The following ERBB4 variants were observed in gnomAD, a reference collection of about 807,000 sequenced individuals.
ERBB4 encodes erb-b2 receptor tyrosine kinase 4.
ERBB4 carries 42 observed loss-of-function variants against 158.0 expected under a neutral mutation model. The observed-to-expected ratio is 0.27, with a 90% confidence interval of 0.21 to 0.34. The LOEUF is 0.34. Among genes scored for constraint, ERBB4 ranks in the 10% least tolerant of loss-of-function variants. The pLI, the probability that ERBB4 is intolerant of heterozygous loss-of-function variation, is 1.00. For synonymous variants in ERBB4, 583 were observed against 558.7 expected (o/e 1.04, Z -0.61); for missense variants, 1,333 against 1,624.1 (o/e 0.82, Z 3.08).
chr2:212,062,154 T>C (rs940705655), intron 2 of ERBB4, among the ~76,000 whole-genome samples: 18 of 152,190 alleles, frequency 1.2e-4, no homozygotes, highest in Non-Finnish European at 2.5e-4. Flanking sequence ...TTTTTCAATA[T>C]TACAAATTTT....
intron 1 of ERBB4, among the ~76,000 whole-genome samples, chr2:212,488,678 C>T (rs1485554364): frequency 6.6e-6 from 1 of 151,822 alleles, no homozygotes; most frequent in Non-Finnish European, 1.5e-5. Flanking sequence ...GACAACCAAG[C>T]TCCAACAAGA....
At chr2:212,086,430 T>C (rs1029756325) in intron 2 of ERBB4, among the ~76,000 whole-genome samples, 4 of 151,888 alleles carry the variant, frequency 2.6e-5, no homozygotes, top group Admixed American at 2.6e-4. Context: ...TAAGGCCTTA[T>C]GCATTACCGC....
At chr2:211,998,813 T>A (rs2125274298) in intron 2 of ERBB4, among the ~76,000 whole-genome samples, 1 of 151,954 alleles carries the variant, frequency 6.6e-6, no homozygotes, top group Admixed American at 6.6e-5. Flanking sequence ...TGAGATATAA[T>A]TATATTACTT....
chr2:212,097,092 T>C (rs933204148), intron 2 of ERBB4, among the ~76,000 whole-genome samples: 1 of 152,188 alleles, frequency 6.6e-6, no homozygotes, highest in Non-Finnish European at 1.5e-5. Context: ...ACAGATAAGC[T>C]ACAGTACTAC....
chr2:211,925,376 CT>C (rs71054150), intron 3 of ERBB4, among the ~76,000 whole-genome samples: 15,103 of 81,452 alleles, frequency 0.19, 381 homozygotes, highest in Non-Finnish European at 0.27. Flanking sequence ...AACAAGACTG[CT>C]TTTTTTTTTT....
At chr2:212,180,593 A>G (rs150917785) in intron 1 of ERBB4, among the ~76,000 whole-genome samples, 1 of 151,824 alleles carries the variant, frequency 6.6e-6, no homozygotes, top group African/African-American at 2.4e-5. Context: ...GAAACAAAGC[A>G]TTATGCTGAA....
At position 211,916,709 on chromosome 2, in the gene ERBB4, G is replaced by A. The variant is rs867797232; in HGVS notation, c.421+30721C>T. On this transcript the variant is annotated intron_variant, in intron 3 of 27. Coordinates refer to ENST00000342788, the MANE Select transcript of ERBB4 (RefSeq NM_005235.3). ...GGAACTCTTCTCTCACTTATTGCTT[G>A]TATGTATGTGAATTTGTGTAGCCAT... Among the ~76,000 whole-genome samples the A allele has an allele frequency of 7.9e-5, 12 of 152,186 alleles. 1 individual carries two copies. Among genetic ancestry groups the A allele is most frequent in the Middle Eastern group, 6.8e-3 (2 of 294 alleles).
At chr2:211,438,114 T>G (rs1240894381) in intron 20 of ERBB4, among the ~76,000 whole-genome samples, 1 of 152,206 alleles carries the variant, frequency 6.6e-6, no homozygotes, top group Non-Finnish European at 1.5e-5. Context: ...ACAGAAGTTT[T>G]GGACATATTG....
chr2:211,550,627 A>G (rs1327496202), intron 20 of ERBB4, among the ~76,000 whole-genome samples: 1 of 146,166 alleles, frequency 6.8e-6, no homozygotes, highest in Non-Finnish European at 1.5e-5. Flanking sequence ...ATATATGAAT[A>G]TATCTATATA....
intron 2 of ERBB4, among the ~76,000 whole-genome samples, chr2:212,012,159 C>T (rs942271505): frequency 2.6e-5 from 4 of 152,164 alleles, no homozygotes; most frequent in Non-Finnish European, 5.9e-5. Flanking sequence ...TTATCTCTAG[C>T]CAGGATTGTC....
At chr2:212,387,763 C>G (rs2090727350) in intron 1 of ERBB4, among the ~76,000 whole-genome samples, 1 of 152,002 alleles carries the variant, frequency 6.6e-6, no homozygotes, top group East Asian at 1.9e-4. Context: ...TCAGTTTATT[C>G]TGAAATTTCT....
chr2:211,817,836 C>A (rs975519609), intron 3 of ERBB4, among the ~76,000 whole-genome samples: 4 of 152,088 alleles, frequency 2.6e-5, no homozygotes, highest in Admixed American at 6.5e-5. Flanking sequence ...CACATGACAG[C>A]AACATTCAAG....
intron 1 of ERBB4, among the ~76,000 whole-genome samples, chr2:212,537,172 C>G (rs1441743531): frequency 1.0e-4 from 14 of 139,564 alleles, no homozygotes; most frequent in Admixed American, 9.7e-4. Flanking sequence ...AAAACTACAG[C>G]TAGCCGTTTT....
intron 3 of ERBB4, among the ~76,000 whole-genome samples, chr2:211,836,688 A>G (rs2077350269): frequency 6.6e-6 from 1 of 152,086 alleles, no homozygotes; most frequent in African/African-American, 2.4e-5. Flanking sequence ...GACAAGGGCC[A>G]ATCTTGCAAG....
chr2:211,692,307 T>C (rs1319348928), intron 12 of ERBB4, among the ~76,000 whole-genome samples: 2 of 152,216 alleles, frequency 1.3e-5, no homozygotes, highest in African/African-American at 2.4e-5. Flanking sequence ...AAGCTATTTC[T>C]TGGACTTCTC....
chr2:212,303,402 A>G lies in ERBB4; in HGVS notation c.83-178499T>C, dbSNP rs141556405. 1.5e-3 allele frequency among the ~76,000 whole-genome samples: 230 copies of G among 151,374 alleles called. 6 individuals carry two copies. The highest frequency in any genetic ancestry group is 3.0e-3 in the Admixed American group (45 of 15,108). ...ATCCACAGCTATAAAGACATTTATT[A>G]CTTTCTAACAGACTTAAGTTCACAA... On this transcript the variant is annotated intron_variant, in intron 1 of 27. Coordinates refer to ENST00000342788, the MANE Select transcript of ERBB4 (RefSeq NM_005235.3).
chr2:211,429,060 ATAAT>A (rs1374325125), intron 21 of ERBB4, among the ~76,000 whole-genome samples: 2 of 152,094 alleles, frequency 1.3e-5, no homozygotes, highest in African/African-American at 2.4e-5. Flanking sequence ...AAAGGTAAAA[ATAAT>A]TAAGTGGGGA....
At chr2:212,139,699 T>C (rs2080385828) in intron 1 of ERBB4, among the ~76,000 whole-genome samples, 1 of 152,024 alleles carries the variant, frequency 6.6e-6, no homozygotes, top group African/African-American at 2.4e-5. Flanking sequence ...GCTTCATATG[T>C]GCAAAACATA....
intron 2 of ERBB4, among the ~76,000 whole-genome samples, chr2:212,051,471 G>T (rs1366280005): frequency 6.6e-6 from 1 of 151,996 alleles, no homozygotes; most frequent in African/African-American, 2.4e-5. Flanking sequence ...TGCATTTAAA[G>T]AATAATTTTT....
Sources: allele counts gnomAD v4.1 joint callset (sites outside exome capture counted in the v4.1 genomes callset), GRCh38; gene constraint gnomAD v4.1.1; transcripts MANE v1.5; gene names NCBI Gene and HGNC (gene_info 2026-07-23, HGNC 2026-07-21).